MIPOL1: variants seen among roughly 807,000 people sequenced by gnomAD.
MIPOL1 encodes the protein mirror-image polydactyly 1, also known as mirror-image polydactyly gene 1 protein.
In MIPOL1, 57 loss-of-function variants were observed where a neutral mutation model predicts 60.9. The observed-to-expected ratio is 0.94, with a 90% CI of 0.76 to 1.17. The LOEUF (loss-of-function observed/expected upper bound fraction) is 1.17. MIPOL1 is among the 50% of genes most tolerant of loss of function. The pLI is 0.00. For missense variants in MIPOL1, 551 were observed against 511.6 expected, an observed-to-expected ratio of 1.08 and a Z score of -0.74; for synonymous variants, 179 against 168.8, an observed-to-expected ratio of 1.06 and a Z score of -0.47.
Position 37,548,633 on chromosome 14 carries a change from G to A in MIPOL1, c.*1662G>A, listed in dbSNP as rs1259855442. 6.6e-6 allele frequency: 1 copy of A among 151,886 alleles called. No individual in the cohort carries two copies. The highest frequency in any genetic ancestry group is 1.5e-5 in the Non-Finnish European group (1 of 67,842). 9.4% of individuals were successfully genotyped at this position (151,886 alleles called of 1,614,324 possible). A position where few individuals can be genotyped will look rare whatever the true frequency, so the allele number is the denominator to read the frequency against. On this transcript the variant is annotated 3_prime_UTR_variant, in exon 13 of 13. Coordinates refer to ENST00000684589, the MANE Select transcript of MIPOL1 (RefSeq NM_001388067.1). ...AGAAACATTATCTTTAAAGTCATCT[G>A]GGAGGTGCAGGTAAGTAAAGAGAAA...
intron 10 of MIPOL1, among the ~76,000 whole-genome samples, chr14:37,392,848 C>A (rs889944254): frequency 6.6e-6 from 1 of 152,156 alleles, no homozygotes; most frequent in Non-Finnish European, 1.5e-5. Context: ...AAATTAAAGT[C>A]TTGTGCAACC....
intron 12 of MIPOL1, among the ~76,000 whole-genome samples, chr14:37,541,766 C>G (rs1403465850): frequency 6.6e-6 from 1 of 152,208 alleles, no homozygotes; most frequent in Non-Finnish European, 1.5e-5. Context: ...CTTTCTACCT[C>G]CGTTCTTTTA....
chr14:37,422,791 G>A lies in MIPOL1; in HGVS notation c.937-64G>A, dbSNP rs749512447. 13 of 1,029,428 alleles carry A rather than the reference G, an allele frequency of 1.3e-5. No homozygotes were observed. The East Asian group carries it at 1.6e-4, about 13-fold the overall frequency. 63.8% of individuals were successfully genotyped at this position (1,029,428 alleles called of 1,614,324 possible). A position where few individuals can be genotyped will look rare whatever the true frequency, so the allele number is the denominator to read the frequency against. ...GTAATTTAAGACTACTGTTCTTACC[G>A]TGGTACTGTATTTTATCATACCAAA... On this transcript the variant is annotated intron_variant, in intron 10 of 12. Coordinates refer to ENST00000684589, the MANE Select transcript of MIPOL1 (RefSeq NM_001388067.1).
At chr14:37,514,714 C>T (rs529896991) in intron 12 of MIPOL1, among the ~76,000 whole-genome samples, 2 of 152,010 alleles carry the variant, frequency 1.3e-5, no homozygotes, top group South Asian at 2.1e-4. Flanking sequence ...CTCCGCCTCC[C>T]GAGTTCATGC....
chr14:37,220,535 G>A (rs1968568992), intron 1 of MIPOL1, among the ~76,000 whole-genome samples: 1 of 152,146 alleles, frequency 6.6e-6, no homozygotes, highest in Non-Finnish European at 1.5e-5. Flanking sequence ...TCCCAAAGTA[G>A]AACATTTTAT....
At chr14:37,401,135 A>T (rs2093473604) in intron 10 of MIPOL1, 1 of 152,156 alleles carries the variant, frequency 6.6e-6, no homozygotes, top group Non-Finnish European at 1.5e-5. Context: ...GCAAAGGGAG[A>T]AACACTAAGA....
intron 12 of MIPOL1, among the ~76,000 whole-genome samples, chr14:37,513,985 T>C (rs1393252028): frequency 6.6e-6 from 1 of 152,168 alleles, no homozygotes; most frequent in Admixed American, 6.5e-5. Flanking sequence ...ACAGTGATTT[T>C]AAAAGTAAAA....
chr14:37,348,064 G>A (rs930404522), intron 9 of MIPOL1, among the ~76,000 whole-genome samples: 5 of 152,054 alleles, frequency 3.3e-5, no homozygotes, highest in African/African-American at 1.2e-4. Flanking sequence ...TCGCCTTTCT[G>A]GCTCTTCCCC....
chr14:37,311,031 G>A (rs2087272154), intron 9 of MIPOL1, among the ~76,000 whole-genome samples: 1 of 152,082 alleles, frequency 6.6e-6, no homozygotes, highest in Non-Finnish European at 1.5e-5. Flanking sequence ...GGAGCTCTTT[G>A]CCTAGTTAAA....
intron 10 of MIPOL1, among the ~76,000 whole-genome samples, chr14:37,405,016 G>A (rs1446959310): frequency 6.6e-6 from 1 of 151,212 alleles, no homozygotes; most frequent in African/African-American, 2.4e-5. Context: ...TTCTTACTTT[G>A]AACACCACTG....
chr14:37,461,947 A>C (rs1250236922), intron 11 of MIPOL1, among the ~76,000 whole-genome samples: 1 of 152,082 alleles, frequency 6.6e-6, no homozygotes, highest in East Asian at 1.9e-4. Flanking sequence ...CTGTCAGTAG[A>C]TCTACCATTC....
At chr14:37,266,829 A>G (rs905033238) in intron 3 of MIPOL1, 109 bp from the exon 4 acceptor site, 9 of 725,776 alleles carry the variant, frequency 1.2e-5, no homozygotes, top group East Asian at 5.4e-5. Flanking sequence ...ACTAGAAACT[A>G]TATGTTTAAA....
intron 11 of MIPOL1, among the ~76,000 whole-genome samples, chr14:37,489,105 A>G (rs1431460987): frequency 1.3e-5 from 2 of 152,218 alleles, no homozygotes; most frequent in Non-Finnish European, 2.9e-5. Flanking sequence ...AATCAAAAGT[A>G]GATTTTGTCT....
chr14:37,477,542 G>A (rs539124401), intron 11 of MIPOL1, among the ~76,000 whole-genome samples: 3 of 151,978 alleles, frequency 2.0e-5, no homozygotes, highest in Non-Finnish European at 4.4e-5. Flanking sequence ...TGCTTTTAAT[G>A]TCCCTGAGAT....
chr14:37,327,819 C>A, intron 9 of MIPOL1, among the ~76,000 whole-genome samples: 1 of 151,906 alleles, frequency 6.6e-6, no homozygotes, highest in Admixed American at 6.6e-5. Flanking sequence ...AATAAGAAGG[C>A]AGAAGAATAG....
At chr14:37,314,867 C>G (rs2087709014) in intron 9 of MIPOL1, among the ~76,000 whole-genome samples, 1 of 152,074 alleles carries the variant, frequency 6.6e-6, no homozygotes, top group Non-Finnish European at 1.5e-5. Context: ...ATACATGAAA[C>G]TAAAAGCATT....
intron 10 of MIPOL1, among the ~76,000 whole-genome samples, chr14:37,419,577 A>G (rs1239321437): frequency 6.6e-6 from 1 of 152,206 alleles, no homozygotes; most frequent in African/African-American, 2.4e-5. Flanking sequence ...TATGAGTATA[A>G]GAAGAAAAAG....
chr14:37,455,052 ATC>A lies in MIPOL1; in HGVS notation c.1031+32113_1031+32114del, dbSNP rs777645419. On this transcript the variant is annotated intron_variant, in intron 11 of 12. Coordinates refer to ENST00000684589, the MANE Select transcript of MIPOL1 (RefSeq NM_001388067.1). ...GATGACTCCCAAATGCAGAAGCCAC[ATC>A]TCTCTCTCTTTAGTTTCAGTTTGTA... Among the ~76,000 whole-genome samples the A allele has an allele frequency of 2.1e-3, 317 of 152,208 alleles. 1 individual carries two copies. The highest frequency in any genetic ancestry group is 3.4e-3 in the Middle Eastern group (1 of 294).
intron 12 of MIPOL1, among the ~76,000 whole-genome samples, chr14:37,509,699 AT>A (rs2095310311): frequency 1.7e-5 from 1 of 58,520 alleles, no homozygotes; most frequent in African/African-American, 1.2e-4. Context: ...TATAGGTGAT[AT>A]ATATGTATGT....
Sources: allele counts gnomAD v4.1 joint callset (sites outside exome capture counted in the v4.1 genomes callset), GRCh38; gene constraint gnomAD v4.1.1; transcripts MANE v1.5; gene names NCBI Gene and HGNC (gene_info 2026-07-23, HGNC 2026-07-21).